The following MARCHF6 variants were observed in gnomAD, a reference collection of about 807,000 sequenced individuals.
MARCHF6 encodes the protein membrane associated ring-CH-type finger 6.
Under a neutral mutation model 133.7 loss-of-function variants are expected in MARCHF6, and 31 were observed. That is an observed-to-expected ratio of 0.23 (90% CI 0.17 to 0.31). The LOEUF (loss-of-function observed/expected upper bound fraction) is 0.31, where lower values mean the gene tolerates loss of function less well. Among genes scored for constraint, MARCHF6 ranks in the 10% least tolerant of loss-of-function variants. The pLI, the probability that MARCHF6 is intolerant of heterozygous loss-of-function variation, is 1.00. For synonymous variants in MARCHF6, 395 were observed against 402.5 expected (o/e 0.98, Z 0.22); for missense variants, 723 against 1,121.6 (o/e 0.64, Z 5.08).
intron 4 of MARCHF6, among the ~76,000 whole-genome samples, chr5:10,384,995 A>G (rs1737379919): frequency 2.0e-5 from 3 of 152,378 alleles, no homozygotes; most frequent in African/African-American, 7.2e-5. Context: ...TATTCATGCA[A>G]CGGAATACTA....
intron 7 of MARCHF6, among the ~76,000 whole-genome samples, chr5:10,392,518 A>G (rs192350653): frequency 7.9e-5 from 12 of 152,174 alleles, no homozygotes; most frequent in African/African-American, 2.4e-4. Context: ...GATCCAAGAC[A>G]GGAGATGGGT....
chr5:10,400,048 A>G (rs1177112594), intron 10 of MARCHF6, among the ~76,000 whole-genome samples: 1 of 152,150 alleles, frequency 6.6e-6, no homozygotes. Context: ...TGTGCCTATT[A>G]ATAGTATATG....
chr5:10,359,628 A>G (rs1413352234), intron 1 of MARCHF6, among the ~76,000 whole-genome samples: 1 of 152,224 alleles, frequency 6.6e-6, no homozygotes, highest in African/African-American at 2.4e-5. Flanking sequence ...ATCCGCGTAT[A>G]AGTGGACCCA....
intron 24 of MARCHF6, among the ~76,000 whole-genome samples, chr5:10,427,795 G>T (rs954222095): frequency 6.6e-6 from 1 of 152,154 alleles, no homozygotes; most frequent in Non-Finnish European, 1.5e-5. Flanking sequence ...TTCTTAGACA[G>T]TAAAGATATT....
chr5:10,431,814 T>C (rs1477634322), intron 25 of MARCHF6, among the ~76,000 whole-genome samples: 1 of 152,226 alleles, frequency 6.6e-6, no homozygotes, highest in African/African-American at 2.4e-5. Context: ...TACTTTGTCA[T>C]TGCCATAATG....
At chr5:10,357,382 A>G (rs1431530014) in intron 1 of MARCHF6, among the ~76,000 whole-genome samples, 1 of 146,710 alleles carries the variant, frequency 6.8e-6, no homozygotes, top group African/African-American at 2.5e-5. Context: ...CCATTTTGCT[A>G]AATTACTGCT....
chr5:10,407,241 C>A, intron 17 of MARCHF6, 39 bp downstream of exon 17: 1 of 1,103,188 alleles, frequency 9.1e-7, no homozygotes, highest in Admixed American at 1.8e-5. Flanking sequence ...ACTAATTTAT[C>A]TCTATTAGGG....
chr5:10,431,807 T>A (rs1740387579), intron 25 of MARCHF6, among the ~76,000 whole-genome samples: 1 of 152,216 alleles, frequency 6.6e-6, no homozygotes, highest in Non-Finnish European at 1.5e-5. Flanking sequence ...ATTTACTTAC[T>A]TTGTCATTGC....
intron 10 of MARCHF6, among the ~76,000 whole-genome samples, chr5:10,397,623 A>G (rs1738272544): frequency 6.6e-6 from 1 of 151,974 alleles, no homozygotes. Context: ...TTGAAAATAT[A>G]CAGTTTCCCA....
At chr5:10,405,873 T>C (rs1321128657) in intron 16 of MARCHF6, among the ~76,000 whole-genome samples, 196 bp downstream of exon 16, 1 of 152,178 alleles carries the variant, frequency 6.6e-6, no homozygotes, top group Admixed American at 6.5e-5. Context: ...TAAAAAGATA[T>C]TTACTAAAAG....
chr5:10,397,296 C>A lies in MARCHF6; in HGVS notation c.865C>A (p.His289Asn). ...TATTGATGCTTTTTTCCTTTAGGAA[C>A]ATGTCTTCTGGGTGGTATCTTTAAA... The part of the protein sequence containing the change: ...GLDGSLVFLE[H>N]VFWVVSLNTL... Residue 289 changes from histidine (H) to asparagine (N), a missense_variant, in exon 10 of 26, where the codon CAT (histidine) becomes AAT (asparagine). Transcript: ENST00000274140. 6.4e-7 allele frequency: 1 copy of A among 1,568,878 alleles called. No individual in the cohort carries two copies. Among genetic ancestry groups the A allele is most frequent in the South Asian group, 1.2e-5 (1 of 82,352 alleles).
Position 10,429,989 on chromosome 5 carries a change from G to T in MARCHF6, c.2603G>T (p.Arg868Leu), listed in dbSNP as rs763034228. 3.7e-6 allele frequency: 6 copies of T among 1,613,422 alleles called. No homozygotes were observed. The highest frequency in any genetic ancestry group is 2.2e-5 in the East Asian group (1 of 44,868). The change falls in exon 25 of 26, where the codon CGC becomes CTC. Residue 868 changes from arginine to leucine, a missense_variant. Transcript: ENST00000274140. ...ATGGCAATTTTGTCCTTCCAAGTCC[G>T]CCAGTTTAAGCGCCTTTATGAACAT... ...VLMAILSFQV[R>L]QFKRLYEHIK... is the part of the protein sequence containing the mutation.
chr5:10,364,460 T>C (rs970570446), intron 1 of MARCHF6, among the ~76,000 whole-genome samples: 2 of 152,168 alleles, frequency 1.3e-5, no homozygotes, highest in Non-Finnish European at 2.9e-5. Context: ...AAAACACCCC[T>C]TTCTTCTTAG....
At chr5:10,418,809 ACT>A (rs540440744) in intron 22 of MARCHF6, among the ~76,000 whole-genome samples, 3 of 152,156 alleles carry the variant, frequency 2.0e-5, no homozygotes, top group Non-Finnish European at 2.9e-5. Context: ...GAATTTACAC[ACT>A]CTGATGGGAA....
intron 25 of MARCHF6, among the ~76,000 whole-genome samples, chr5:10,432,577 C>G (rs897197819): frequency 3.3e-5 from 5 of 152,234 alleles, no homozygotes; most frequent in Non-Finnish European, 7.3e-5. Context: ...CTTCAGTGAG[C>G]CTTCGATGCA....
In MARCHF6 at chr5:10,426,389, G is replaced by A; in HGVS notation, c.2374-1G>A. 1 of 1,612,826 alleles carries A rather than the reference G, an allele frequency of 6.2e-7. No individual in the cohort carries two copies. ...TCTAATTGCTTTTTGTAATGTTTCA[G>A]GTTTACGCAAATGGCATCCGGAACA... On this transcript the variant is annotated splice_acceptor_variant, in intron 23 of 25. Transcript: ENST00000274140. LOFTEE classifies it high-confidence loss of function.
At chr5:10,371,771 C>A (rs1361932829) in intron 1 of MARCHF6, among the ~76,000 whole-genome samples, 1 of 151,678 alleles carries the variant, frequency 6.6e-6, no homozygotes, top group African/African-American at 2.4e-5. Flanking sequence ...ACTTTTTTTT[C>A]TTTGAGGCAG....
intron 17 of MARCHF6, among the ~76,000 whole-genome samples, chr5:10,408,408 A>G (rs1422875101): frequency 6.6e-6 from 1 of 152,210 alleles, no homozygotes; most frequent in Non-Finnish European, 1.5e-5. Context: ...TAATTGTGCT[A>G]CACTGCCATT....
chr5:10,399,386 A>G (rs1339107100), intron 10 of MARCHF6, among the ~76,000 whole-genome samples: 1 of 152,100 alleles, frequency 6.6e-6, no homozygotes, highest in Admixed American at 6.6e-5. Context: ...ATAGTCAGAA[A>G]GGGTTAGAGG....
Sources: gnomAD v4.1 joint callset for allele counts (sites outside exome capture counted in the v4.1 genomes callset) on GRCh38, gnomAD v4.1.1 for gene constraint, MANE v1.5 for transcripts, NCBI Gene and HGNC (gene_info 2026-07-23, HGNC 2026-07-21) for gene names.